The following EFCAB11 variants were observed in gnomAD, a reference collection of about 807,000 sequenced individuals.
The protein encoded by EFCAB11 is EF-hand calcium-binding domain-containing protein 11.
EFCAB11 carries 14 observed loss-of-function variants against 23.0 expected under a neutral mutation model. The observed-to-expected ratio is 0.61, with a 90% CI of 0.40 to 0.95. The LOEUF is 0.95. Ranked by LOEUF, EFCAB11 falls within the 40% of genes least tolerant of loss-of-function variation. The pLI is 0.00. For missense variants in EFCAB11, 198 were observed against 195.8 expected, an observed-to-expected ratio of 1.01 and a Z score of -0.07; for synonymous variants, 65 against 66.6, an observed-to-expected ratio of 0.98 and a Z score of 0.11.
At chr14:89,898,666 C>CTTT (rs36098790) in intron 5 of EFCAB11, among the ~76,000 whole-genome samples, 26 of 121,030 alleles carry the variant, frequency 2.1e-4, no homozygotes, top group Admixed American at 5.1e-4. Context: ...CGCCTGGCCT[C>CTTT]TTTTTTTTTT....
At chr14:89,893,214 G>A (rs1344206534) in intron 5 of EFCAB11, among the ~76,000 whole-genome samples, 3 of 152,154 alleles carry the variant, frequency 2.0e-5, no homozygotes, top group Admixed American at 2.0e-4. Context: ...AGGCAGGTGC[G>A]GGAAATTCCA....
intron 5 of EFCAB11, chr14:89,924,650 G>A (rs750288709): frequency 5.9e-6 from 9 of 1,535,586 alleles, no homozygotes; most frequent in East Asian, 4.9e-5. Context: ...GATGACAGCC[G>A]AAGTTAAATC....
intron 5 of EFCAB11, among the ~76,000 whole-genome samples, chr14:89,804,837 G>GA (rs200800728): frequency 1.2e-4 from 18 of 151,648 alleles, no homozygotes; most frequent in Non-Finnish European, 1.9e-4. Flanking sequence ...GGGTTAACCA[G>GA]AAAAAAAACA....
intron 5 of EFCAB11, among the ~76,000 whole-genome samples, chr14:89,848,079 C>T (rs901999718): frequency 2.0e-5 from 3 of 152,200 alleles, no homozygotes; most frequent in African/African-American, 7.2e-5. Flanking sequence ...AACTGAATGC[C>T]CTCATGCTTC....
At chr14:89,949,987 G>A in intron 3 of EFCAB11, 110 bp downstream of exon 3, 1 of 1,189,814 alleles carries the variant, frequency 8.4e-7, no homozygotes, top group Non-Finnish European at 1.2e-6. Context: ...CTTCCACCAG[G>A]TCCCTTCCAC....
At chr14:89,889,234 C>T (rs997564702) in intron 5 of EFCAB11, among the ~76,000 whole-genome samples, 2 of 152,126 alleles carry the variant, frequency 1.3e-5, no homozygotes, top group African/African-American at 4.8e-5. Context: ...ATGTATGGAA[C>T]ATCTTATTCA....
At chr14:89,903,913 T>C (rs1015188241) in intron 5 of EFCAB11, among the ~76,000 whole-genome samples, 1 of 152,166 alleles carries the variant, frequency 6.6e-6, no homozygotes, top group Admixed American at 6.5e-5. Context: ...TCCTTTTTTT[T>C]ATATATTTAT....
intron 5 of EFCAB11, among the ~76,000 whole-genome samples, chr14:89,927,201 G>C (rs1292710072): frequency 1.3e-5 from 2 of 152,156 alleles, no homozygotes; most frequent in Non-Finnish European, 1.5e-5. Context: ...TTGTTTGATT[G>C]GTTGAATTGC....
intron 5 of EFCAB11, among the ~76,000 whole-genome samples, chr14:89,803,086 G>A (rs550721204): frequency 2.6e-5 from 4 of 152,030 alleles, no homozygotes; most frequent in Non-Finnish European, 4.4e-5. Context: ...ATGCCCAATC[G>A]TGACAGCCAA....
rs34931708 is a variant in EFCAB11 at position 89,910,598 on chromosome 14, AATACATACATAC to A, written c.410+20931_410+20942del. ...GGCAACAGAATGAGAATCTGTCTCA[AATACATACATAC>A]ATACATACATACATACATACATACA... is the stretch of plus-strand genomic sequence containing the variant. On this transcript the variant is annotated intron_variant, in intron 5 of 5. Coordinates refer to ENST00000316738, the MANE Select transcript of EFCAB11 (RefSeq NM_145231.4). Among the ~76,000 whole-genome samples the A allele has an allele frequency of 5.5e-3, 816 of 147,634 alleles. 3 individuals carry two copies. The highest frequency in any genetic ancestry group is 0.011 in the African/African-American group (436 of 40,448).
intron 5 of EFCAB11, among the ~76,000 whole-genome samples, chr14:89,873,650 G>A (rs1888350345): frequency 6.6e-6 from 1 of 152,214 alleles, no homozygotes. Flanking sequence ...CCAGATGGGA[G>A]AAATTGGCCA....
rs79797254 is a variant in EFCAB11, at chr14:89,882,145, C to T, written c.410+49396G>A. Among the ~76,000 whole-genome samples, 549 of 152,304 alleles carry T rather than the reference C, an allele frequency of 3.6e-3. 1 individual carries two copies. Among genetic ancestry groups the T allele is most frequent in the African/African-American group, 0.013 (525 of 41,560 alleles). On this transcript the variant is annotated intron_variant, in intron 5 of 5. Transcript: ENST00000316738. ...ACCTAACATGAATCTTACAATCATGCATTGCCTGAGTGTTGAAAAACTTCC... is the reference window on the plus strand; with the variant it reads ...ACCTAACATGAATCTTACAATCATGTATTGCCTGAGTGTTGAAAAACTTCC...
Position 89,889,282 on chromosome 14 carries a change from C to T in EFCAB11, c.410+42259G>A, listed in dbSNP as rs183646271. On this transcript the variant is annotated intron_variant, in intron 5 of 5. Coordinates refer to ENST00000316738, the MANE Select transcript of EFCAB11 (RefSeq NM_145231.4). ...AAATGAAAGTAATTTTCAAAAAAAC[C>T]CAAATAAAGTATTGGATAAAATCAT... is the stretch of plus-strand genomic sequence containing the variant. 1.3e-4 allele frequency among the ~76,000 whole-genome samples: 20 copies of T among 152,002 alleles called. No homozygotes were observed. The South Asian group carries it at 4.0e-3, about 30-fold the overall frequency.
At chr14:89,885,918 CTA>C in intron 5 of EFCAB11, among the ~76,000 whole-genome samples, 1 of 147,380 alleles carries the variant, frequency 6.8e-6, no homozygotes, top group East Asian at 2.0e-4. Flanking sequence ...AAAACTGACT[CTA>C]AAATTTATTT....
intron 5 of EFCAB11, among the ~76,000 whole-genome samples, chr14:89,920,237 A>G (rs1344623611): frequency 1.3e-5 from 2 of 152,198 alleles, no homozygotes; most frequent in Non-Finnish European, 2.9e-5. Context: ...ATTTTTTCAA[A>G]TGAAATCTCA....
At chr14:89,807,269 C>T (rs1885999204) in intron 5 of EFCAB11, among the ~76,000 whole-genome samples, 1 of 152,186 alleles carries the variant, frequency 6.6e-6, no homozygotes, top group African/African-American at 2.4e-5. Flanking sequence ...AGGCTTTTTA[C>T]AGTACAAGTC....
At chr14:89,908,377 G>T (rs1889561526) in intron 5 of EFCAB11, among the ~76,000 whole-genome samples, 1 of 152,246 alleles carries the variant, frequency 6.6e-6, no homozygotes, top group African/African-American at 2.4e-5. Flanking sequence ...ACTTGCCCTG[G>T]AAATCCAAAC....
intron 3 of EFCAB11, among the ~76,000 whole-genome samples, chr14:89,935,428 G>A (rs1453666556): frequency 6.7e-6 from 1 of 148,172 alleles, no homozygotes; most frequent in Non-Finnish European, 1.5e-5. Context: ...TAGAGACAGG[G>A]TCTTGCTCTC....
chr14:89,875,165 A>G (rs777515545), intron 5 of EFCAB11, among the ~76,000 whole-genome samples: 7 of 152,198 alleles, frequency 4.6e-5, no homozygotes, highest in Non-Finnish European at 8.8e-5. Flanking sequence ...ACTAGTTAGC[A>G]TGCCACAGTC....
Sources: allele counts gnomAD v4.1 joint callset (sites outside exome capture counted in the v4.1 genomes callset), GRCh38; gene constraint gnomAD v4.1.1; transcripts MANE v1.5; gene names NCBI Gene and HGNC (gene_info 2026-07-23, HGNC 2026-07-21).